LFNG: variants seen among roughly 807,000 people sequenced by gnomAD.
LFNG encodes LFNG O-fucosylpeptide 3-beta-N-acetylglucosaminyltransferase.
In LFNG, 15 loss-of-function variants were observed where a neutral mutation model predicts 32.7. The observed-to-expected ratio is 0.46, with a 90% CI of 0.31 to 0.71. The LOEUF is 0.71. Ranked by LOEUF, LFNG falls within the 30% of genes least tolerant of loss-of-function variation. LFNG has a pLI of 0.06. For missense variants in LFNG, 520 were observed against 545.7 expected (o/e 0.95, Z 0.47); for synonymous variants, 274 against 246.8 (o/e 1.11, Z -1.03).
At chr7:2,517,198 C>T (rs966799366), upstream of LFNG, among the ~76,000 whole-genome samples, 7 of 152,166 alleles carry the variant, frequency 4.6e-5, no homozygotes, top group African/African-American at 9.7e-5. Flanking sequence ...GGTGGCTAGG[C>T]GGGCCACCCC....
upstream of LFNG, chr7:2,518,613 T>A (rs1417954156): frequency 2.5e-6 from 4 of 1,610,750 alleles, no homozygotes; most frequent in Non-Finnish European, 3.4e-6. Context: ...GGAGAGGGGC[T>A]CCAAGGGCAC....
At chr7:2,521,700 C>G (rs1242792084) in intron 1 of LFNG, among the ~76,000 whole-genome samples, 1 of 152,236 alleles carries the variant, frequency 6.6e-6, no homozygotes, top group Non-Finnish European at 1.5e-5. Flanking sequence ...CACCTCTCAT[C>G]TTGGAATTTG....
upstream of LFNG, among the ~76,000 whole-genome samples, chr7:2,519,035 T>C (rs918138508): frequency 6.6e-6 from 1 of 152,082 alleles, no homozygotes. Context: ...AAGGCGGCCT[T>C]TCATCCGGCG....
chr7:2,526,195 C>T lies in LFNG; in HGVS notation c.822-49C>T. On this transcript the variant is annotated intron_variant, in intron 5 of 7. Coordinates refer to ENST00000222725, the MANE Select transcript of LFNG (RefSeq NM_001040167.2). The surrounding 1 kb of genome is among the most constrained non-coding windows in gnomAD (Gnocchi z 6.9). The stretch of plus-strand genomic sequence containing the variant: ...CTGGTGGGGCCTCCCCAGCTCCCAG[C>T]AGATGGCTCCCGCCTCTGCTCACTG... 5 of 1,604,828 alleles carry T rather than the reference C, an allele frequency of 3.1e-6. No homozygotes were observed. Among genetic ancestry groups the T allele is most frequent in the Non-Finnish European group, 4.3e-6 (5 of 1,175,636 alleles).
rs1212328250 is a variant in LFNG, at chr7:2,527,421, C to T, written c.*209C>T. 1.4e-6 allele frequency: 2 copies of T among 1,456,066 alleles called. No individual in the cohort carries two copies. Among genetic ancestry groups the T allele is most frequent in the Non-Finnish European group, 1.8e-6 (2 of 1,103,888 alleles). 90.2% of individuals were successfully genotyped at this position (1,456,066 alleles called of 1,614,324 possible). Reference sequence around the variant, plus strand: ...TCTGTGGAGGGGCGGGCACCAGCGCCACTTATGTGCCTCTGCTCCGAGGGC... The same window carrying T: ...TCTGTGGAGGGGCGGGCACCAGCGCTACTTATGTGCCTCTGCTCCGAGGGC... On this transcript the variant is annotated 3_prime_UTR_variant, in exon 8 of 8. Transcript: ENST00000222725. This position sits in a 1 kb window ranked among gnomAD's most constrained non-coding sequence, Gnocchi z 4.4.
upstream of LFNG, chr7:2,518,661 A>T: frequency 1.9e-6 from 3 of 1,575,696 alleles, no homozygotes. Context: ...CGTGAACATA[A>T]CTCCGAGGGG....
At chr7:2,528,627 C>A (rs1027843056), downstream of LFNG, among the ~76,000 whole-genome samples, 3 of 152,116 alleles carry the variant, frequency 2.0e-5, no homozygotes, top group East Asian at 5.8e-4. Context: ...ACAGGTGCGG[C>A]CCACCCAGGG....
At chr7:2,523,010 C>T (rs1026820478) in intron 1 of LFNG, among the ~76,000 whole-genome samples, 3 of 152,246 alleles carry the variant, frequency 2.0e-5, no homozygotes, top group African/African-American at 7.2e-5. Context: ...GCCCCGCCTT[C>T]TCAGATGCTG....
At chr7:2,522,236 C>T (rs1472566130) in intron 1 of LFNG, among the ~76,000 whole-genome samples, 4 of 152,162 alleles carry the variant, frequency 2.6e-5, no homozygotes, top group East Asian at 1.9e-4. Context: ...GGAGGAGGCG[C>T]CATTTGAGCT....
At chr7:2,514,816 G>GTCCATCCA (rs5881928), upstream of LFNG, among the ~76,000 whole-genome samples, 1,141 of 111,388 alleles carry the variant, frequency 0.01, 21 homozygotes, top group African/African-American at 0.017. Flanking sequence ...CGGTCTGTCT[G>GTCCATCCA]TCCATCCATC....
chr7:2,526,557 A>C lies in LFNG; in HGVS notation c.987+148A>C. The C allele has an allele frequency of 1.1e-6, 1 of 879,964 alleles. No homozygotes were observed. Among genetic ancestry groups the C allele is most frequent in the Non-Finnish European group, 1.8e-6 (1 of 564,288 alleles). The allele number at this position is 879,964 out of a possible 1,614,324, so 54.5% of individuals were successfully genotyped here. A position where few individuals can be genotyped will look rare whatever the true frequency, so the allele number is the denominator to read the frequency against. On this transcript the variant is annotated intron_variant, in intron 6 of 7. Transcript: ENST00000222725. This position sits in a 1 kb window ranked among gnomAD's most constrained non-coding sequence, Gnocchi z 6.9. Reference sequence around the variant, plus strand: ...TCAGCCAGGGGGGGTCACTCCTGCCATGAGCTCAAAGCTGTTTATGGCGGG... The same window carrying C: ...TCAGCCAGGGGGGGTCACTCCTGCCCTGAGCTCAAAGCTGTTTATGGCGGG...
At chr7:2,517,175 G>C (rs1169176894), upstream of LFNG, among the ~76,000 whole-genome samples, 2 of 152,206 alleles carry the variant, frequency 1.3e-5, no homozygotes, top group African/African-American at 2.4e-5. Flanking sequence ...CTGAGCCTGG[G>C]GAAGCGGGCG....
chr7:2,524,577 G>C, intron 1 of LFNG, 118 bp from the exon 2 acceptor site: 1 of 926,970 alleles, frequency 1.1e-6, no homozygotes, highest in Non-Finnish European at 1.7e-6. Context: ...AGAAGGGTGG[G>C]TGTCAGTGTG....
chr7:2,520,159 G>A lies in LFNG; in HGVS notation c.298G>A (p.Asp100Asn). 1 of 1,476,422 alleles carries A rather than the reference G, an allele frequency of 6.8e-7. No individual in the cohort carries two copies. Among genetic ancestry groups the A allele is most frequent in the Non-Finnish European group, 9.0e-7 (1 of 1,111,558 alleles). 91.5% of individuals were successfully genotyped at this position (1,476,422 alleles called of 1,614,324 possible). The stretch of plus-strand genomic sequence containing the variant: ...GCCCGGGGCTGCCCCCCGCCCCGCC[G>A]ACGGCCACCCGCGCCCCCTGGCCGA... Reference protein sequence around the residue: ...PPPGAAPRPADGHPRPLAEPL... With the variant: ...PPPGAAPRPANGHPRPLAEPL... The change falls in exon 1 of 8, where the codon GAC becomes AAC. Residue 100 changes from aspartate to asparagine, a missense_variant. Physicochemically the swap from Asp to Asn is conservative, Grantham distance 23. Transcript: ENST00000222725. This position sits in a 1 kb window ranked among gnomAD's most constrained non-coding sequence, Gnocchi z 5.0.
chr7:2,517,253 C>G (rs575347604), upstream of LFNG, among the ~76,000 whole-genome samples: 10 of 152,294 alleles, frequency 6.6e-5, no homozygotes, highest in South Asian at 2.1e-3. Flanking sequence ...AAATTCCATT[C>G]TCCTGACAGC....
In LFNG at chr7:2,520,038, G is replaced by T; in HGVS notation, c.177G>T (p.Ala59=). Residue 59 remains alanine, a synonymous_variant, in exon 1 of 8, where the codon GCG becomes GCT. Transcript: ENST00000222725. This position sits in a 1 kb window ranked among gnomAD's most constrained non-coding sequence, Gnocchi z 5.0. The part of the protein sequence containing the change: ...AGAAPAPGLG[A]AAAAPGALVR... ...CTGCCCCGGCGCCCGGGCTGGGGGC[G>T]GCGGCGGCGGCGCCCGGGGCGCTGG... The T allele has an allele frequency of 9.4e-7, 1 of 1,060,944 alleles. No homozygotes were observed. Among genetic ancestry groups the T allele is most frequent in the Non-Finnish European group, 1.1e-6 (1 of 882,638 alleles). 65.7% of individuals were successfully genotyped at this position (1,060,944 alleles called of 1,614,324 possible).
rs980798639 is a variant in LFNG, at chr7:2,528,028, A to C, written c.*816A>C. ...TTTTTACTGTGCTGTTTTTTTTGAA[A>C]GGGGATGGGTAAAAAGTAGGGTGTT... On this transcript the variant is annotated 3_prime_UTR_variant, in exon 8 of 8. Transcript: ENST00000222725. The C allele has an allele frequency of 1.0e-6, 1 of 952,410 alleles. No homozygotes were observed. The highest frequency in any genetic ancestry group is 2.2e-5 in the African/African-American group (1 of 46,368). The allele number at this position is 952,410 out of a possible 1,614,324, so 59.0% of individuals were successfully genotyped here.
intron 3 of LFNG, 32 bp downstream of exon 3, chr7:2,525,350 C>G (rs1236081582): frequency 1.2e-6 from 2 of 1,611,970 alleles, no homozygotes; most frequent in Non-Finnish European, 1.7e-6. Flanking sequence ...CCCCATCTCC[C>G]TGCCCGAGCC....
At chr7:2,517,793 C>T (rs372884102), upstream of LFNG, 19 of 1,052,318 alleles carry the variant, frequency 1.8e-5, no homozygotes, top group African/African-American at 1.2e-4. Flanking sequence ...CCTCAAGAAA[C>T]GGGGCTGGGA....
Sources: gnomAD v4.1 joint callset for allele counts (sites outside exome capture counted in the v4.1 genomes callset) on GRCh38, gnomAD v4.1.1 for gene constraint, Gnocchi (gnomAD v3.1) non-coding constraint, MANE v1.5 for transcripts, NCBI Gene and HGNC (gene_info 2026-07-23, HGNC 2026-07-21) for gene names.